NAT10: variants seen among roughly 807,000 people sequenced by gnomAD.
NAT10 encodes N-acetyltransferase 10.
NAT10 carries 109 observed loss-of-function variants against 132.2 expected under a neutral mutation model. The ratio of observed to expected loss-of-function variants is 0.82; its 90% CI spans 0.71 to 0.97. The LOEUF is 0.97. Among genes scored for constraint, NAT10 ranks in the 50% least tolerant of loss-of-function variants. The pLI is 0.00. For synonymous variants in NAT10, 479 were observed against 478.0 expected (o/e 1.00, Z -0.03); for missense variants, 1,184 against 1,263.4 (o/e 0.94, Z 0.95).
intron 28 of NAT10, among the ~76,000 whole-genome samples, chr11:34,145,641 G>A (rs996335433): frequency 2.0e-5 from 3 of 152,126 alleles, no homozygotes; most frequent in Admixed American, 6.5e-5. Context: ...AGTATGGCAG[G>A]GTTTTCCTTG....
intron 9 of NAT10, 23 bp downstream of exon 9, chr11:34,122,615 CT>C (rs1851914161): frequency 6.2e-7 from 1 of 1,612,548 alleles, no homozygotes; most frequent in East Asian, 2.2e-5. Context: ...AGTCCCCCAT[CT>C]TTAGGAACTC....
At chr11:34,131,975 C>T (rs1027018657) in intron 14 of NAT10, 150 bp from the exon 15 acceptor site, 20 of 675,750 alleles carry the variant, frequency 3.0e-5, no homozygotes, top group Middle Eastern at 5.3e-4. Flanking sequence ...TGAGCCAACG[C>T]GCCTGGCCCT....
intron 19 of NAT10, 72 bp downstream of exon 19, chr11:34,135,363 C>A: frequency 1.6e-6 from 2 of 1,246,112 alleles, no homozygotes; most frequent in Non-Finnish European, 2.3e-6. Flanking sequence ...TTAGGGGCAT[C>A]AACAAAAACC....
intron 12 of NAT10, among the ~76,000 whole-genome samples, chr11:34,130,035 G>A (rs1014403784): frequency 6.6e-6 from 1 of 151,734 alleles, no homozygotes; most frequent in South Asian, 2.1e-4. Context: ...TGTGGAGAGT[G>A]GGCATAAAAC....
Position 34,108,257 on chromosome 11 carries a change from G to A in NAT10, c.32G>A (p.Arg11Gln), listed in dbSNP as rs745685344. Reference protein sequence around the residue: MHRKKVDNRIRILIENGVAER... With the variant: MHRKKVDNRIQILIENGVAER... Reference sequence around the variant, plus strand: ...CGGAAAAAGGTGGATAACCGAATCCGGATTCTCATTGAGAATGGAGTAGCT... The same window carrying A: ...CGGAAAAAGGTGGATAACCGAATCCAGATTCTCATTGAGAATGGAGTAGCT... The change falls in exon 2 of 29, where the codon CGG becomes CAG. Residue 11 changes from arginine to glutamine, a missense_variant. Transcript: ENST00000257829. 2 of 1,614,100 alleles carry A rather than the reference G, an allele frequency of 1.2e-6. No individual in the cohort carries two copies. Among genetic ancestry groups the A allele is most frequent in the East Asian group, 2.2e-5 (1 of 44,890 alleles).
chr11:34,135,206 T>TG lies in NAT10; in HGVS notation c.1944dup (p.Gln649AlafsTer5). 1 of 1,614,202 alleles carries TG rather than the reference T, an allele frequency of 6.2e-7. No individual in the cohort carries two copies. Among genetic ancestry groups the TG allele is most frequent in the South Asian group, 1.1e-5 (1 of 91,082 alleles). ...TATGGCAGCCGTGCTCTGCAGCTGC[T>TG]GCAGATGTACTATGAAGGCAGGTTT... On this transcript the variant is annotated frameshift_variant, in exon 19 of 29. Transcript: ENST00000257829. LOFTEE classifies it high-confidence loss of function.
At chr11:34,128,198 A>C (rs1027004285) in intron 12 of NAT10, among the ~76,000 whole-genome samples, 7 of 152,176 alleles carry the variant, frequency 4.6e-5, no homozygotes, top group Non-Finnish European at 8.8e-5. Flanking sequence ...TACTAAAAAT[A>C]CAAAAATTAG....
intron 28 of NAT10, among the ~76,000 whole-genome samples, chr11:34,144,924 C>G (rs750898740): frequency 2.0e-5 from 3 of 152,238 alleles, no homozygotes; most frequent in Non-Finnish European, 4.4e-5. Flanking sequence ...TCCCAGAAAT[C>G]AGGTACTGTC....
rs146599416 is a variant in NAT10 at position 34,108,512 on chromosome 11, C to T, written c.108+179C>T. 3.5e-4 allele frequency among the ~76,000 whole-genome samples: 54 copies of T among 152,230 alleles called. No homozygotes were observed. The East Asian group carries it at 7.7e-3, about 22-fold the overall frequency. ...TGAATTCTCTGTATTTAGATTGATT[C>T]GCAGACAAGCTAATACCTTTTGAAG... On this transcript the variant is annotated intron_variant, in intron 2 of 28. Coordinates refer to ENST00000257829, the MANE Select transcript of NAT10 (RefSeq NM_024662.3).
chr11:34,121,580 A>AGCCAGGTGTGGTGGCT (rs1448891581), intron 8 of NAT10, among the ~76,000 whole-genome samples: 1 of 152,026 alleles, frequency 6.6e-6, no homozygotes, highest in Non-Finnish European at 1.5e-5. Flanking sequence ...GGTGTGGGCC[A>AGCCAGGTGTGGTGGCT]GCCAGGTGTG....
At chr11:34,134,700 C>T (rs1442985040) in intron 18 of NAT10, 114 bp downstream of exon 18, 2 of 605,958 alleles carry the variant, frequency 3.3e-6, no homozygotes, top group Non-Finnish European at 5.8e-6. Context: ...AGTGTAGGCA[C>T]TTCCCTGCTC....
chr11:34,134,081 A>G (rs922699484), intron 16 of NAT10, among the ~76,000 whole-genome samples: 10 of 151,906 alleles, frequency 6.6e-5, no homozygotes, highest in East Asian at 1.9e-4. Flanking sequence ...GGAAAATGGC[A>G]TGAACCCAGG....
intron 12 of NAT10, among the ~76,000 whole-genome samples, chr11:34,129,599 C>CTTTTTTTTTTTTTTTT (rs71037399): frequency 5.3e-5 from 3 of 56,724 alleles, no homozygotes; most frequent in Non-Finnish European, 9.0e-5. Flanking sequence ...TCTTCTTCTT[C>CTTTTTTTTTTTTTTTT]TTTTTTTTTT....
intron 5 of NAT10, among the ~76,000 whole-genome samples, chr11:34,114,256 T>C (rs574546975): frequency 6.6e-6 from 1 of 152,272 alleles, no homozygotes; most frequent in East Asian, 1.9e-4. Context: ...TGTACTCCAG[T>C]TTGGCAAGAA....
intron 21 of NAT10, among the ~76,000 whole-genome samples, chr11:34,137,950 T>C (rs1327330182): frequency 6.6e-6 from 1 of 151,830 alleles, no homozygotes; most frequent in Non-Finnish European, 1.5e-5. Context: ...TGCAGTGGAG[T>C]GGAGGCTTTG....
chr11:34,127,028 C>T (rs911708228), intron 11 of NAT10, among the ~76,000 whole-genome samples: 5 of 152,158 alleles, frequency 3.3e-5, no homozygotes, highest in African/African-American at 4.8e-5. Flanking sequence ...TCGAGCTCAT[C>T]GGCTTTCCTT....
rs115132843 is a variant in NAT10, at chr11:34,141,229, G to A, written c.2712+21G>A. The A allele has an allele frequency of 1.1e-3, 1,836 of 1,613,650 alleles. 24 individuals carry two copies. The African/African-American group carries it at 0.021, about 19-fold the overall frequency. ...TGAAGGTAACCTCAGCCTGAGGGCA[G>A]GGGCTTGATGTCTCTCAAATAGTGC... On this transcript the variant is annotated intron_variant, in intron 25 of 28. Coordinates refer to ENST00000257829, the MANE Select transcript of NAT10 (RefSeq NM_024662.3).
intron 10 of NAT10, among the ~76,000 whole-genome samples, 182 bp downstream of exon 10, chr11:34,124,037 C>T (rs911066041): frequency 7.2e-5 from 11 of 152,076 alleles, no homozygotes; most frequent in Non-Finnish European, 1.2e-4. Context: ...GGTGTGGTGG[C>T]GCATGCCTGT....
In NAT10 at chr11:34,115,851, C is replaced by T. The variant is rs1478007234; in HGVS notation, c.524C>T (p.Ala175Val). The change falls in exon 6 of 29, where the codon GCC becomes GTC. Residue 175 changes from alanine to valine, a missense_variant. Transcript: ENST00000257829. ...MDVHSRYRTE[A>V]HQDVVGRFNE... ...GTGCATTCCAGGTACAGAACTGAGG[C>T]CCATCAGGATGTGGTGGGAAGATTT... 4 of 1,613,908 alleles carry T rather than the reference C, an allele frequency of 2.5e-6. No individual in the cohort carries two copies. In the East Asian group the frequency reaches 6.7e-5, roughly 27 times the overall value.
Sources: allele counts gnomAD v4.1 joint callset (sites outside exome capture counted in the v4.1 genomes callset), GRCh38; gene constraint gnomAD v4.1.1; transcripts MANE v1.5; gene names NCBI Gene and HGNC (gene_info 2026-07-23, HGNC 2026-07-21).